The following CCDC85C variants were observed in gnomAD, a reference collection of about 807,000 sequenced individuals.
CCDC85C encodes the protein coiled-coil domain containing 85C.
In CCDC85C, 18 loss-of-function variants were observed where a neutral mutation model predicts 38.3. The ratio of observed to expected loss-of-function variants is 0.47; its 90% confidence interval spans 0.33 to 0.70. The LOEUF (loss-of-function observed/expected upper bound fraction) is 0.70, where lower values mean the gene tolerates loss of function less well. Ranked by LOEUF, CCDC85C falls within the 30% of genes least tolerant of loss-of-function variation. The probability of loss-of-function intolerance (pLI) is 0.03; values close to 1 mark genes in which losing one functional copy is unlikely to be tolerated. For missense variants in CCDC85C, 566 were observed against 621.2 expected (o/e 0.91, Z 0.94); for synonymous variants, 264 against 293.8 (o/e 0.90, Z 1.04).
chr14:99,542,927 C>T lies in CCDC85C; in HGVS notation c.794-6839G>A, dbSNP rs190725927. Reference sequence around the variant, plus strand: ...GAGCTGAGCCACCAGAGCCTGGGGACGGCCCCATCTTCTCGAGGGACTTGG... The same window carrying T: ...GAGCTGAGCCACCAGAGCCTGGGGATGGCCCCATCTTCTCGAGGGACTTGG... On this transcript the variant is annotated intron_variant, in intron 1 of 5. Coordinates refer to ENST00000380243, the MANE Select transcript of CCDC85C (RefSeq NM_001144995.2). Among the ~76,000 whole-genome samples the T allele has an allele frequency of 1.8e-4, 28 of 152,290 alleles. No homozygotes were observed. The East Asian group carries it at 4.3e-3, about 23-fold the overall frequency.
intron 1 of CCDC85C, among the ~76,000 whole-genome samples, chr14:99,554,603 T>G (rs1255575132): frequency 6.6e-6 from 1 of 152,126 alleles, no homozygotes; most frequent in Non-Finnish European, 1.5e-5. Flanking sequence ...CCCCGGTCAA[T>G]GGGAAGCCAC....
At chr14:99,519,079 T>G (rs1294488291) in intron 3 of CCDC85C, among the ~76,000 whole-genome samples, 1 of 150,050 alleles carries the variant, frequency 6.7e-6, no homozygotes, top group African/African-American at 2.5e-5. Context: ...GGCACTATCT[T>G]TTTACATGTT....
intron 1 of CCDC85C, among the ~76,000 whole-genome samples, chr14:99,549,635 G>C (rs927842366): frequency 1.2e-4 from 18 of 152,240 alleles, no homozygotes; most frequent in Non-Finnish European, 2.1e-4. Flanking sequence ...TCTCCTGCGA[G>C]ACACTGTCCC....
Position 99,603,199 on chromosome 14 carries a change from G to C in CCDC85C, c.761C>G (p.Pro254Arg). 1 of 1,426,204 alleles carries C rather than the reference G, an allele frequency of 7.0e-7. No homozygotes were observed. Among genetic ancestry groups the C allele is most frequent in the African/African-American group, 1.5e-5 (1 of 67,414 alleles). The allele number at this position is 1,426,204 out of a possible 1,614,324, so 88.3% of individuals were successfully genotyped here. Residue 254 changes from proline (P) to arginine (R), a missense_variant, in exon 1 of 6, where the codon CCG (proline) becomes CGG (arginine). Pro to Arg is a moderately radical substitution (Grantham distance 103). This residue lies in a region of CCDC85C where 286 missense variants were observed against 276.4 expected (regional missense o/e 1.03). Coordinates refer to ENST00000380243, the MANE Select transcript of CCDC85C (RefSeq NM_001144995.2). The surrounding 1 kb of genome is among the most constrained non-coding windows in gnomAD (Gnocchi z 7.5). ...RRSLDDLSAP[P>R]HHRSIPNGLH... ...GCCGTTGGGGATGCTGCGGTGGTGCGGCGGCGCCGACAAGTCGTCCAGGGA... is the reference window on the plus strand; with the variant it reads ...GCCGTTGGGGATGCTGCGGTGGTGCCGCGGCGCCGACAAGTCGTCCAGGGA...
chr14:99,592,934 G>A (rs892333824), intron 1 of CCDC85C, among the ~76,000 whole-genome samples: 10 of 152,252 alleles, frequency 6.6e-5, no homozygotes, highest in South Asian at 2.1e-4. Context: ...AGAAGGTGCC[G>A]AAAGAGGGAG....
At chr14:99,547,771 C>T (rs1182691873) in intron 1 of CCDC85C, among the ~76,000 whole-genome samples, 1 of 150,656 alleles carries the variant, frequency 6.6e-6, no homozygotes, top group Non-Finnish European at 1.5e-5. Flanking sequence ...GAGACTCTGT[C>T]CCAAAGAAAA....
At position 99,544,716 on chromosome 14, in the gene CCDC85C, T is replaced by G. The variant is rs923255388; in HGVS notation, c.794-8628A>C. ...CTTGACCCATCTCTCCTCCGAGACC[T>G]CGCCTCCAAGGGCACCAGATAAGCG... On this transcript the variant is annotated intron_variant, in intron 1 of 5. Coordinates refer to ENST00000380243, the MANE Select transcript of CCDC85C (RefSeq NM_001144995.2). The surrounding 1 kb of genome is among the most constrained non-coding windows in gnomAD (Gnocchi z 5.3). Among the ~76,000 whole-genome samples the G allele has an allele frequency of 5.3e-5, 8 of 152,036 alleles. No homozygotes were observed. Among genetic ancestry groups the G allele is most frequent in the Non-Finnish European group, 7.4e-5 (5 of 67,990 alleles).
chr14:99,518,903 C>T (rs1595337459), intron 3 of CCDC85C, among the ~76,000 whole-genome samples: 1 of 152,074 alleles, frequency 6.6e-6, no homozygotes, highest in African/African-American at 2.4e-5. Flanking sequence ...GAAAGTGACA[C>T]CAGGACTAGA....
At chr14:99,539,469 CA>C (rs5810957) in intron 1 of CCDC85C, among the ~76,000 whole-genome samples, 45,525 of 107,832 alleles carry the variant, frequency 0.42, 7,408 homozygotes, top group South Asian at 0.54. Context: ...GACTCCATCT[CA>C]AAAAAAAAAA....
At chr14:99,577,409 G>T (rs1898503374) in intron 1 of CCDC85C, among the ~76,000 whole-genome samples, 1 of 148,292 alleles carries the variant, frequency 6.7e-6, no homozygotes, top group South Asian at 2.2e-4. Context: ...CCCAGGACAG[G>T]GTGGGTGGGA....
intron 1 of CCDC85C, among the ~76,000 whole-genome samples, chr14:99,580,806 A>G (rs1595099640): frequency 6.6e-6 from 1 of 152,184 alleles, no homozygotes; most frequent in African/African-American, 2.4e-5. Flanking sequence ...CAGAGGTTGC[A>G]GTGAGCCAAG....
Position 99,515,000 on chromosome 14 carries a change from G to A in CCDC85C, c.*246C>T, listed in dbSNP as rs570263096. ...AGAGGGGGAATGAGGCGTCCGGGCC[G>A]CTCTGCTGCAGGAACAGTCGCAGCG... On this transcript the variant is annotated 3_prime_UTR_variant, in exon 6 of 6. Transcript: ENST00000380243. The A allele has an allele frequency of 5.1e-5, 22 of 434,704 alleles. No individual in the cohort carries two copies. The highest frequency in any genetic ancestry group is 1.6e-4 in the African/African-American group (8 of 50,352). The allele number at this position is 434,704 out of a possible 1,614,324, so 26.9% of individuals were successfully genotyped here.
Position 99,512,732 on chromosome 14 carries a change from C to CA in CCDC85C, c.*2513dup, listed in dbSNP as rs1266974595. ...AAGGGGGCATCTGAAAGGGCACCCC[C>CA]ACTGGGGGCTTTCAGAGCTAAGGCT... On this transcript the variant is annotated 3_prime_UTR_variant, in exon 6 of 6. Coordinates refer to ENST00000380243, the MANE Select transcript of CCDC85C (RefSeq NM_001144995.2). The CA allele has an allele frequency of 6.6e-6, 1 of 152,220 alleles. No homozygotes were observed. Among genetic ancestry groups the CA allele is most frequent in the Admixed American group, 6.5e-5 (1 of 15,274 alleles). 9.4% of individuals were successfully genotyped at this position (152,220 alleles called of 1,614,324 possible).
rs911359074 is a variant in CCDC85C, at chr14:99,503,483, A to C, written c.*11763T>G. The C allele has an allele frequency of 4.1e-6, 3 of 728,964 alleles. No individual in the cohort carries two copies. Among genetic ancestry groups the C allele is most frequent in the Non-Finnish European group, 4.6e-6 (2 of 430,442 alleles). 45.2% of individuals were successfully genotyped at this position (728,964 alleles called of 1,614,324 possible). Reference sequence around the variant, plus strand: ...GGTTTGCCCTGAAAGTTCAGGCTAGAAATAATTTTTGTCCGAGGCTGTTCA... The same window carrying C: ...GGTTTGCCCTGAAAGTTCAGGCTAGCAATAATTTTTGTCCGAGGCTGTTCA... On this transcript the variant is annotated 3_prime_UTR_variant, in exon 6 of 6. Transcript: ENST00000380243.
Position 99,568,246 on chromosome 14 carries a change from C to CTTTTTTTTTTTTTTT in CCDC85C, c.794-32159_794-32158insAAAAAAAAAAAAAAA, listed in dbSNP as rs776784723. Among the ~76,000 whole-genome samples the CTTTTTTTTTTTTTTT allele has an allele frequency of 7.9e-5, 9 of 114,484 alleles. 2 individuals carry two copies. Among genetic ancestry groups the CTTTTTTTTTTTTTTT allele is most frequent in the Non-Finnish European group, 1.0e-4 (6 of 58,424 alleles). 75.1% of individuals were successfully genotyped at this position (114,484 alleles called of 152,430 possible). On this transcript the variant is annotated intron_variant, in intron 1 of 5. Coordinates refer to ENST00000380243, the MANE Select transcript of CCDC85C (RefSeq NM_001144995.2). Reference sequence around the variant, plus strand: ...AGACACTCTCTGGAGGCCACCTGCCCTTTATTTTTTTTTTTTTTTTTTTTG... The same window carrying CTTTTTTTTTTTTTTT: ...AGACACTCTCTGGAGGCCACCTGCCCTTTTTTTTTTTTTTTTTTATTTTTTTTTTTTTTTTTTTTG...
chr14:99,600,565 C>T (rs772788214), intron 1 of CCDC85C, among the ~76,000 whole-genome samples: 1 of 152,228 alleles, frequency 6.6e-6, no homozygotes, highest in Non-Finnish European at 1.5e-5. Context: ...ACAACAGATT[C>T]AGACCCAAGG....
At chr14:99,574,835 G>C (rs1898437895) in intron 1 of CCDC85C, among the ~76,000 whole-genome samples, 1 of 152,132 alleles carries the variant, frequency 6.6e-6, no homozygotes, top group Non-Finnish European at 1.5e-5. Flanking sequence ...ATGGCCTGCA[G>C]GGGATTCTAG....
rs760467178 is a variant in CCDC85C at position 99,603,447 on chromosome 14, CCCGCCGCCG to C, written c.504_512del (p.Gly171_Gly173del). 1.6e-6 allele frequency: 2 copies of C among 1,271,968 alleles called. No individual in the cohort carries two copies. Among genetic ancestry groups the C allele is most frequent in the Non-Finnish European group, 2.0e-6 (2 of 1,012,962 alleles). The allele number at this position is 1,271,968 out of a possible 1,614,324, so 78.8% of individuals were successfully genotyped here. On this transcript the variant is annotated inframe_deletion, in exon 1 of 6. Transcript: ENST00000380243. The surrounding 1 kb of genome is among the most constrained non-coding windows in gnomAD (Gnocchi z 7.5). Reference sequence around the variant, plus strand: ...TGGAGCTGCGGGAGCCGGCGCCGCCCCCGCCGCCGCCGCCACCGCTTGCGGCCCCCGTCG... The same window carrying C: ...TGGAGCTGCGGGAGCCGGCGCCGCCCCCGCCACCGCTTGCGGCCCCCGTCG...
In CCDC85C at chr14:99,583,303, G is replaced by A. The variant is rs368873556; in HGVS notation, c.793+19864C>T. Among the ~76,000 whole-genome samples, 30 of 152,180 alleles carry A rather than the reference G, an allele frequency of 2.0e-4. No individual in the cohort carries two copies. The East Asian group carries it at 5.4e-3, about 27-fold the overall frequency. ...ATGGATTGCCTAAGGTCAGGAGTTTGTGACCAGCCTGACTAACATGGTGAA... is the reference window on the plus strand; with the variant it reads ...ATGGATTGCCTAAGGTCAGGAGTTTATGACCAGCCTGACTAACATGGTGAA... On this transcript the variant is annotated intron_variant, in intron 1 of 5. Transcript: ENST00000380243.
Sources: gnomAD v4.1 joint callset for allele counts (sites outside exome capture counted in the v4.1 genomes callset) on GRCh38, gnomAD v4.1.1 for gene constraint, gnomAD v4.1.1 regional missense constraint, Gnocchi (gnomAD v3.1) non-coding constraint, MANE v1.5 for transcripts, NCBI Gene and HGNC (gene_info 2026-07-23, HGNC 2026-07-21) for gene names.